Variants in CACNA1C observed in about 807,000 individuals in gnomAD.
The protein encoded by CACNA1C is calcium voltage-gated channel subunit alpha1 C.
In CACNA1C, 30 loss-of-function variants were observed where a neutral mutation model predicts 229.0. The ratio of observed to expected loss-of-function variants is 0.13; its 90% CI spans 0.10 to 0.18. The LOEUF (loss-of-function observed/expected upper bound fraction) is 0.18, where lower values mean the gene tolerates loss of function less well. Ranked by LOEUF, CACNA1C falls within the 10% of genes least tolerant of loss-of-function variation. CACNA1C has a pLI of 1.00. For synonymous variants in CACNA1C, 1,114 were observed against 1,132.5 expected, an observed-to-expected ratio of 0.98 and a Z score of 0.33; for missense variants, 1,658 against 2,845.0, an observed-to-expected ratio of 0.58 and a Z score of 9.49.
rs1174096470 is a variant in CACNA1C, at chr12:2,438,206, ATGG to A, written c.478-10753_478-10751del. 4.8e-4 allele frequency among the ~76,000 whole-genome samples: 60 copies of A among 123,832 alleles called. 1 individual carries two copies. Among genetic ancestry groups the A allele is most frequent in the African/African-American group, 8.3e-4 (27 of 32,568 alleles). 81.2% of individuals were successfully genotyped at this position (123,832 alleles called of 152,430 possible). ...TGGTGGGATAATGACGGCGATGGTG[ATGG>A]TGGTGGTGGTGGTGGTTGTGATGGT... On this transcript the variant is annotated intron_variant, in intron 3 of 46. Transcript: ENST00000399655.
chr12:2,237,834 A>C (rs1356384529), intron 3 of CACNA1C, among the ~76,000 whole-genome samples: 1 of 152,224 alleles, frequency 6.6e-6, no homozygotes, highest in African/African-American at 2.4e-5. Flanking sequence ...GCATCCTTCG[A>C]TAGAACATTA....
chr12:2,459,174 T>G (rs201257455), intron 5 of CACNA1C, among the ~76,000 whole-genome samples: 11 of 121,942 alleles, frequency 9.0e-5, no homozygotes, highest in East Asian at 4.2e-4. Flanking sequence ...TGTGTGTTTT[T>G]TTTTTTTTTT....
chr12:2,114,438 T>TA (rs1292724173), intron 1 of CACNA1C, among the ~76,000 whole-genome samples: 1 of 152,126 alleles, frequency 6.6e-6, no homozygotes, highest in Non-Finnish European at 1.5e-5. Flanking sequence ...ACTTTATTGG[T>TA]AAAACAGTCA....
intron 3 of CACNA1C, among the ~76,000 whole-genome samples, chr12:2,284,467 G>A (rs1335266465): frequency 6.6e-6 from 1 of 152,196 alleles, no homozygotes; most frequent in African/African-American, 2.4e-5. Context: ...GGAGGGTGCA[G>A]AACAGGACCC....
intron 1 of CACNA1C, chr12:1,991,801 TTG>T (rs2039497752): frequency 6.4e-6 from 1 of 155,146 alleles, no homozygotes; most frequent in Admixed American, 6.4e-5. Flanking sequence ...TTTTATATTT[TTG>T]GTATAGTAGT....
intron 3 of CACNA1C, among the ~76,000 whole-genome samples, chr12:2,376,771 G>T (rs1369438200): frequency 6.6e-6 from 1 of 152,100 alleles, no homozygotes; most frequent in Non-Finnish European, 1.5e-5. Flanking sequence ...CTACATTCTT[G>T]ACTAGAAGAG....
At chr12:2,586,745 C>G (rs1181695251) in intron 18 of CACNA1C, among the ~76,000 whole-genome samples, 1 of 152,160 alleles carries the variant, frequency 6.6e-6, no homozygotes, top group Non-Finnish European at 1.5e-5. Flanking sequence ...GCTTTCCCTC[C>G]GCTGGTTCTC....
In CACNA1C at chr12:2,679,389, T is replaced by A. The variant is rs2153802251; in HGVS notation, c.5092-55T>A. ...TGACCTGGCTGTGGAGGCTGCTCTCTGGGAGGAGTGGGTGCTAAGGGGCTT... is the reference window on the plus strand; with the variant it reads ...TGACCTGGCTGTGGAGGCTGCTCTCAGGGAGGAGTGGGTGCTAAGGGGCTT... On this transcript the variant is annotated intron_variant, in intron 41 of 46. Transcript: ENST00000399655. This position sits in a 1 kb window ranked among gnomAD's most constrained non-coding sequence, Gnocchi z 5.5. 2 of 1,311,828 alleles carry A rather than the reference T, an allele frequency of 1.5e-6. No individual in the cohort carries two copies. The highest frequency in any genetic ancestry group is 5.1e-5 in the Admixed American group (2 of 39,486). The allele number at this position is 1,311,828 out of a possible 1,614,324, so 81.3% of individuals were successfully genotyped here. A position where few individuals can be genotyped will look rare whatever the true frequency, so the allele number is the denominator to read the frequency against.
In CACNA1C at chr12:2,319,358, C is replaced by CA. The variant is rs2095854829; in HGVS notation, c.478-129618_478-129617insA. Among the ~76,000 whole-genome samples the CA allele has an allele frequency of 6.6e-6, 1 of 152,020 alleles. No individual in the cohort carries two copies. ...GGGCAACATACATGGGGGCAGTGTG[C>CA]TTGGTAGGCAGCGTACCTGATGGGT... On this transcript the variant is annotated intron_variant, in intron 3 of 46. Coordinates refer to ENST00000399655, the MANE Select transcript of CACNA1C (RefSeq NM_000719.7). The surrounding 1 kb of genome is among the most constrained non-coding windows in gnomAD (Gnocchi z 4.0).
chr12:2,220,862 T>C (rs1181238805), intron 3 of CACNA1C: 1 of 152,188 alleles, frequency 6.6e-6, no homozygotes, highest in Non-Finnish European at 1.5e-5. Flanking sequence ...TCTCTGTGCA[T>C]ATGAGGGCAA....
At chr12:2,059,180 C>T (rs1158452772) in intron 1 of CACNA1C, among the ~76,000 whole-genome samples, 2 of 152,110 alleles carry the variant, frequency 1.3e-5, no homozygotes, top group Admixed American at 1.3e-4. Flanking sequence ...GATGACCCCA[C>T]AGAAAAGCAG....
chr12:1,996,743 C>T (rs557541448), intron 1 of CACNA1C, among the ~76,000 whole-genome samples: 1 of 148,690 alleles, frequency 6.7e-6, no homozygotes, highest in Non-Finnish European at 1.5e-5. Flanking sequence ...TCCTATGGGC[C>T]GTGGGTTGGA....
At chr12:2,296,988 C>G (rs1276870141) in intron 3 of CACNA1C, among the ~76,000 whole-genome samples, 1 of 152,230 alleles carries the variant, frequency 6.6e-6, no homozygotes, top group African/African-American at 2.4e-5. Context: ...AGAAAGCCAA[C>G]TCTGTCTTCA....
chr12:2,649,972 A>T lies in CACNA1C; in HGVS notation c.3945+1465A>T, dbSNP rs1413539567. Among the ~76,000 whole-genome samples the T allele has an allele frequency of 1.1e-4, 17 of 151,596 alleles. No homozygotes were observed. ...TTAAGGTCATCAAAGGCTTCAGAAC[A>T]CACAGGCAGGGAAGAGCCCAGGGCA... On this transcript the variant is annotated intron_variant, in intron 31 of 46. Coordinates refer to ENST00000399655, the MANE Select transcript of CACNA1C (RefSeq NM_000719.7). The surrounding 1 kb of genome is among the most constrained non-coding windows in gnomAD (Gnocchi z 4.4).
chr12:1,987,762 T>C (rs1400468754), intron 1 of CACNA1C, among the ~76,000 whole-genome samples: 6 of 152,194 alleles, frequency 3.9e-5, no homozygotes, highest in Admixed American at 3.9e-4. Context: ...AATGCTTTCA[T>C]ATTCAGTGTC....
At chr12:2,009,805 C>T (rs1328416226) in intron 1 of CACNA1C, among the ~76,000 whole-genome samples, 2 of 152,170 alleles carry the variant, frequency 1.3e-5, no homozygotes, top group African/African-American at 4.8e-5. Flanking sequence ...AGGGCACCCC[C>T]TCCTGGAAAG....
intron 3 of CACNA1C, among the ~76,000 whole-genome samples, chr12:2,235,237 C>A (rs949189713): frequency 6.6e-5 from 10 of 152,198 alleles, no homozygotes; most frequent in Admixed American, 6.5e-5. Context: ...TTCTTCTCTA[C>A]TGTTCAGAAT....
At chr12:2,114,908 G>A (rs2083232618) in intron 1 of CACNA1C, among the ~76,000 whole-genome samples, 1 of 152,190 alleles carries the variant, frequency 6.6e-6, no homozygotes, top group South Asian at 2.1e-4. Flanking sequence ...TAGGTAATGT[G>A]TTGTGTTGTA....
At chr12:2,360,731 G>C (rs982171610) in intron 3 of CACNA1C, among the ~76,000 whole-genome samples, 9 of 152,210 alleles carry the variant, frequency 5.9e-5, no homozygotes, top group African/African-American at 1.9e-4. Flanking sequence ...GGTCCATCCA[G>C]CTCTACCTTT....
Sources: allele counts gnomAD v4.1 joint callset (sites outside exome capture counted in the v4.1 genomes callset), GRCh38; gene constraint gnomAD v4.1.1; non-coding constraint Gnocchi (gnomAD v3.1); transcripts MANE v1.5; gene names NCBI Gene and HGNC (gene_info 2026-07-23, HGNC 2026-07-21).